CNTN3: variants seen among roughly 807,000 people sequenced by gnomAD.
The protein encoded by CNTN3 is contactin-3.
In CNTN3, 60 loss-of-function variants were observed where a neutral mutation model predicts 119.1. That is an observed-to-expected ratio of 0.50 (90% CI 0.41 to 0.62). The LOEUF (loss-of-function observed/expected upper bound fraction) is 0.62. Ranked by LOEUF, CNTN3 falls within the 20% of genes least tolerant of loss-of-function variation. The pLI is 0.00. For missense variants in CNTN3, 1,101 were observed against 1,242.4 expected, an observed-to-expected ratio of 0.89 and a Z score of 1.71; for synonymous variants, 450 against 438.7, an observed-to-expected ratio of 1.03 and a Z score of -0.32.
intron 1 of CNTN3, among the ~76,000 whole-genome samples, chr3:74,607,221 A>G (rs948847442): frequency 2.3e-4 from 35 of 152,126 alleles, no homozygotes; most frequent in Non-Finnish European, 4.7e-4. Context: ...TGTATTCCAG[A>G]GCTTTCAGAA....
chr3:74,467,501 C>T (rs1190109422), intron 4 of CNTN3, among the ~76,000 whole-genome samples: 1 of 152,056 alleles, frequency 6.6e-6, no homozygotes, highest in Non-Finnish European at 1.5e-5. Flanking sequence ...TAAACCAGGA[C>T]TCAATTAAAT....
chr3:74,273,841 G>A (rs957105591), intron 20 of CNTN3, among the ~76,000 whole-genome samples: 7 of 152,106 alleles, frequency 4.6e-5, no homozygotes, highest in South Asian at 2.1e-4. Flanking sequence ...TGAATCTGGC[G>A]TGCAGACTTT....
intron 1 of CNTN3, among the ~76,000 whole-genome samples, chr3:74,602,892 C>T: frequency 6.6e-6 from 1 of 152,074 alleles, no homozygotes. Flanking sequence ...CTAATGTGAA[C>T]AGAATGTCCC....
chr3:74,498,088 G>A (rs571879201), intron 3 of CNTN3, among the ~76,000 whole-genome samples: 9 of 151,734 alleles, frequency 5.9e-5, no homozygotes, highest in South Asian at 2.1e-4. Flanking sequence ...CAAATTATTC[G>A]TAAGATAAAC....
At chr3:74,569,712 A>G (rs546410649) in intron 1 of CNTN3, among the ~76,000 whole-genome samples, 100 of 152,266 alleles carry the variant, frequency 6.6e-4, no homozygotes, top group Non-Finnish European at 1.1e-3. Context: ...CTATTTTCAC[A>G]CGGTTTGCAT....
intron 5 of CNTN3, among the ~76,000 whole-genome samples, chr3:74,389,274 A>C (rs1704834166): frequency 6.6e-6 from 1 of 152,182 alleles, no homozygotes; most frequent in Admixed American, 6.5e-5. Flanking sequence ...ATTTTAACAC[A>C]TTGCTCAATA....
chr3:74,559,494 A>G (rs983608190), intron 1 of CNTN3, among the ~76,000 whole-genome samples: 1 of 152,226 alleles, frequency 6.6e-6, no homozygotes, highest in Admixed American at 6.5e-5. Context: ...TTGTGCTTAC[A>G]CAGCCTACCT....
rs1255207418 is a variant in CNTN3, at chr3:74,508,270, C to T, written c.56-8485G>A. On this transcript the variant is annotated intron_variant, in intron 2 of 22. Coordinates refer to ENST00000263665, the MANE Select transcript of CNTN3 (RefSeq NM_020872.3). ...CACCGTGTGAAGAAATGCCTTGCTG[C>T]TTCTTTGCCTTCTGCCATGATTGTA... 2.6e-5 allele frequency among the ~76,000 whole-genome samples: 4 copies of T among 152,280 alleles called. No individual in the cohort carries two copies. The East Asian group carries it at 7.7e-4, about 29-fold the overall frequency.
At chr3:74,479,449 C>A (rs1057486978) in intron 4 of CNTN3, among the ~76,000 whole-genome samples, 1 of 152,120 alleles carries the variant, frequency 6.6e-6, no homozygotes, top group South Asian at 2.1e-4. Context: ...AACAGCACAG[C>A]AAGCTAGTTA....
At chr3:74,416,098 G>T (rs935059336) in intron 5 of CNTN3, among the ~76,000 whole-genome samples, 1 of 152,062 alleles carries the variant, frequency 6.6e-6, no homozygotes, top group African/African-American at 2.4e-5. Flanking sequence ...AATCCAATGA[G>T]GAACAAAACC....
intron 1 of CNTN3, among the ~76,000 whole-genome samples, chr3:74,602,275 C>T (rs1704923369): frequency 8.1e-6 from 1 of 123,814 alleles, no homozygotes; most frequent in Admixed American, 1.1e-4. Flanking sequence ...CAGCCCAGGC[C>T]ACAGAGCAAG....
chr3:74,610,309 T>G (rs1705059148), intron 1 of CNTN3, among the ~76,000 whole-genome samples: 1 of 147,958 alleles, frequency 6.8e-6, no homozygotes, highest in Non-Finnish European at 1.5e-5. Flanking sequence ...GGTGACAGAG[T>G]GAGACCCTGT....
At chr3:74,353,156 AG>A (rs1408781142) in intron 11 of CNTN3, among the ~76,000 whole-genome samples, 1 of 152,162 alleles carries the variant, frequency 6.6e-6, no homozygotes, top group Non-Finnish European at 1.5e-5. Flanking sequence ...GCTTGAGTCA[AG>A]GGGAAGTGCC....
chr3:74,432,888 T>C, intron 4 of CNTN3, among the ~76,000 whole-genome samples: 1 of 152,190 alleles, frequency 6.6e-6, no homozygotes, highest in Admixed American at 6.5e-5. Context: ...CATGGCAAAG[T>C]GTGTCTTAGG....
chr3:74,272,210 T>C (rs968544335), intron 20 of CNTN3, among the ~76,000 whole-genome samples: 2 of 152,184 alleles, frequency 1.3e-5, no homozygotes, highest in African/African-American at 4.8e-5. Context: ...AATCTCATAA[T>C]GTTTTAAGAA....
At chr3:74,549,263 C>T (rs770546053) in intron 1 of CNTN3, among the ~76,000 whole-genome samples, 2 of 152,222 alleles carry the variant, frequency 1.3e-5, no homozygotes, top group South Asian at 4.1e-4. Context: ...CTGCCAGCCA[C>T]GTGAAAATGT....
At chr3:74,554,273 C>A (rs1704037016) in intron 1 of CNTN3, among the ~76,000 whole-genome samples, 1 of 152,096 alleles carries the variant, frequency 6.6e-6, no homozygotes, top group African/African-American at 2.4e-5. Context: ...TTCCATTGGT[C>A]TATATATCTG....
intron 4 of CNTN3, among the ~76,000 whole-genome samples, chr3:74,465,872 G>A (rs1702451850): frequency 6.6e-6 from 1 of 152,122 alleles, no homozygotes; most frequent in African/African-American, 2.4e-5. Flanking sequence ...TCAGATGCTG[G>A]CTGACATCCA....
chr3:74,307,249 C>A (rs2106829429), intron 13 of CNTN3, among the ~76,000 whole-genome samples: 1 of 152,208 alleles, frequency 6.6e-6, no homozygotes, highest in East Asian at 1.9e-4. Flanking sequence ...ATAAAAAGTT[C>A]ACTGTAGCTG....
Sources: gnomAD v4.1 joint callset for allele counts (sites outside exome capture counted in the v4.1 genomes callset) on GRCh38, gnomAD v4.1.1 for gene constraint, MANE v1.5 for transcripts, NCBI Gene and HGNC (gene_info 2026-07-23, HGNC 2026-07-21) for gene names.